ABTB2: variants seen among roughly 807,000 people sequenced by gnomAD.
The protein encoded by ABTB2 is ankyrin repeat and BTB/POZ domain-containing protein 2.
In ABTB2, 56 loss-of-function variants were observed where a neutral mutation model predicts 104.1. The ratio of observed to expected loss-of-function variants is 0.54; its 90% CI spans 0.43 to 0.67. The LOEUF is 0.67. ABTB2 is among the 30% of genes least tolerant of loss of function. ABTB2 has a pLI of 0.00. For missense variants in ABTB2, 1,279 were observed against 1,407.7 expected (o/e 0.91, Z 1.46); for synonymous variants, 606 against 608.2 (o/e 1.00, Z 0.05).
At chr11:34,185,243 T>G (rs1853082470) in intron 3 of ABTB2, among the ~76,000 whole-genome samples, 1 of 151,628 alleles carries the variant, frequency 6.6e-6, no homozygotes, top group Non-Finnish European at 1.5e-5. Flanking sequence ...GATATGAGAG[T>G]GAAATTCTTG....
chr11:34,279,124 T>C (rs1854420093), intron 1 of ABTB2, among the ~76,000 whole-genome samples: 1 of 152,142 alleles, frequency 6.6e-6, no homozygotes, highest in Non-Finnish European at 1.5e-5. Flanking sequence ...TACTTCAAAA[T>C]GAAACCCCAG....
intron 2 of ABTB2, among the ~76,000 whole-genome samples, chr11:34,201,619 G>A (rs138134026): frequency 6.6e-6 from 1 of 152,296 alleles, no homozygotes; most frequent in African/African-American, 2.4e-5. Flanking sequence ...GGTACACTCT[G>A]AGGTCCAAGG....
In ABTB2 at chr11:34,220,734, T is replaced by C. The variant is rs190600078; in HGVS notation, c.884-16044A>G. ...TTGCAAAAATAAAATAAATAAATAA[T>C]AAATAAATAACCCCCTGTTGGTCTA... On this transcript the variant is annotated intron_variant, in intron 1 of 16. Coordinates refer to ENST00000435224, the MANE Select transcript of ABTB2 (RefSeq NM_145804.3). Among the ~76,000 whole-genome samples, 122 of 152,252 alleles carry C rather than the reference T, an allele frequency of 8.0e-4. 1 individual carries two copies. The highest frequency in any genetic ancestry group is 6.8e-3 in the Middle Eastern group (2 of 294).
intron 1 of ABTB2, among the ~76,000 whole-genome samples, chr11:34,274,946 A>C: frequency 6.6e-6 from 1 of 152,254 alleles, no homozygotes; most frequent in South Asian, 2.1e-4. Flanking sequence ...AGAGAACCGG[A>C]CCAGCAGCCT....
chr11:34,165,540 C>G (rs1001695001), intron 7 of ABTB2, among the ~76,000 whole-genome samples, 184 bp from the exon 8 acceptor site: 1 of 152,236 alleles, frequency 6.6e-6, no homozygotes, highest in Non-Finnish European at 1.5e-5. Flanking sequence ...CTCAAAGTTT[C>G]TAGAATCTTC....
intron 3 of ABTB2, among the ~76,000 whole-genome samples, chr11:34,182,509 GA>G (rs373061696): frequency 5.1e-5 from 7 of 137,162 alleles, no homozygotes; most frequent in Non-Finnish European, 9.5e-5. Context: ...GGGGGGGGGG[GA>G]AATTCACTTT....
intron 1 of ABTB2, among the ~76,000 whole-genome samples, chr11:34,326,007 AAATAAAAT>A (rs1247795281): frequency 1.9e-4 from 29 of 150,632 alleles, no homozygotes; most frequent in African/African-American, 6.8e-4. Flanking sequence ...AAATAAAATA[AAATAAAAT>A]AAAGAAAAAG....
intron 3 of ABTB2, among the ~76,000 whole-genome samples, chr11:34,193,251 T>G (rs762819566): frequency 2.6e-5 from 4 of 152,192 alleles, no homozygotes; most frequent in Non-Finnish European, 5.9e-5. Context: ...TGTGACTAAT[T>G]CTGTGTTTTA....
chr11:34,349,544 T>A (rs1167712568), intron 1 of ABTB2, among the ~76,000 whole-genome samples: 1 of 152,210 alleles, frequency 6.6e-6, no homozygotes, highest in African/African-American at 2.4e-5. Flanking sequence ...AATCAGTGGA[T>A]CCAACACAAG....
At chr11:34,281,740 G>C (rs540902724) in intron 1 of ABTB2, among the ~76,000 whole-genome samples, 39 of 152,284 alleles carry the variant, frequency 2.6e-4, no homozygotes, top group African/African-American at 8.9e-4. Context: ...TACATCGCAG[G>C]ATGGAAGCAA....
intron 1 of ABTB2, among the ~76,000 whole-genome samples, chr11:34,264,064 T>C (rs1854218937): frequency 6.6e-6 from 1 of 152,164 alleles, no homozygotes; most frequent in Non-Finnish European, 1.5e-5. Context: ...ATGTTTTCTC[T>C]AAGGGAAGTA....
intron 1 of ABTB2, among the ~76,000 whole-genome samples, chr11:34,212,711 C>T (rs1253985072): frequency 1.3e-5 from 2 of 152,208 alleles, no homozygotes; most frequent in Admixed American, 6.5e-5. Flanking sequence ...CAGCACTGTG[C>T]TTTCCTTCTT....
intron 1 of ABTB2, among the ~76,000 whole-genome samples, chr11:34,316,163 T>C (rs1854927415): frequency 6.6e-6 from 1 of 152,200 alleles, no homozygotes. Context: ...ACCCCGTCCC[T>C]GGGCAAGGAG....
chr11:34,164,688 G>A lies in ABTB2; in HGVS notation c.1986C>T (p.His662=), dbSNP rs572507886. ...GGGTGGGAATCCCGGGCAGGTACCT[G>A]TGGCCGTGGGCAGCTGAGTGGCTGA... is the stretch of plus-strand genomic sequence containing the variant. ...NCFSHSAAHG[H]RNVLRKLLTQ... The change falls in exon 9 of 17, where the codon CAC becomes CAT. Residue 662 remains histidine (H), a splice_region_variant and synonymous_variant. Transcript: ENST00000435224. 6.4e-5 allele frequency: 96 copies of A among 1,508,676 alleles called. No individual in the cohort carries two copies. The South Asian group carries it at 1.3e-3, about 20-fold the overall frequency. 93.5% of individuals were successfully genotyped at this position (1,508,676 alleles called of 1,614,324 possible).
In ABTB2 at chr11:34,159,376, G is replaced by A. The variant is rs751572135; in HGVS notation, c.2617C>T (p.Leu873=). 6.2e-7 allele frequency: 1 copy of A among 1,613,530 alleles called. No individual in the cohort carries two copies. The highest frequency in any genetic ancestry group is 8.5e-7 in the Non-Finnish European group (1 of 1,179,488). The change falls in exon 14 of 17, where the codon CTA becomes TTA. Residue 873 remains leucine (L), a synonymous_variant. Coordinates refer to ENST00000435224, the MANE Select transcript of ABTB2 (RefSeq NM_145804.3). ...LVTASNRFKT[L]MTNKSEQDGD... is the part of the protein sequence containing the mutation. Reference sequence around the variant, plus strand: ...TCCTGTTCTGATTTATTGGTCATTAGTGTCTTGAACCTGGAGCAAAGGAGA... The same window carrying A: ...TCCTGTTCTGATTTATTGGTCATTAATGTCTTGAACCTGGAGCAAAGGAGA...
intron 1 of ABTB2, among the ~76,000 whole-genome samples, chr11:34,343,410 C>T (rs896965060): frequency 5.3e-5 from 8 of 152,122 alleles, no homozygotes; most frequent in African/African-American, 1.9e-4. Flanking sequence ...CCATGCCAGA[C>T]CATTTATTTC....
At chr11:34,287,860 T>C (rs1854524679) in intron 1 of ABTB2, among the ~76,000 whole-genome samples, 1 of 152,080 alleles carries the variant, frequency 6.6e-6, no homozygotes, top group South Asian at 2.1e-4. Flanking sequence ...TGCTTGTCTG[T>C]CTCCACTCCC....
intron 5 of ABTB2, among the ~76,000 whole-genome samples, chr11:34,169,633 C>G (rs1852842412): frequency 6.6e-6 from 1 of 152,180 alleles, no homozygotes; most frequent in Non-Finnish European, 1.5e-5. Flanking sequence ...CCCACAAAGC[C>G]CGGGAACCTG....
rs1221899715 is a variant in ABTB2 at position 34,356,449 on chromosome 11, A to ACAGC, written c.883+248_883+251dup. Among the ~76,000 whole-genome samples the ACAGC allele has an allele frequency of 6.6e-6, 1 of 152,224 alleles. No individual in the cohort carries two copies. Among genetic ancestry groups the ACAGC allele is most frequent in the East Asian group, 1.9e-4 (1 of 5,198 alleles). On this transcript the variant is annotated intron_variant, in intron 1 of 16. Transcript: ENST00000435224. The surrounding 1 kb of genome is among the most constrained non-coding windows in gnomAD (Gnocchi z 4.6). ...AGATTCAATCTCACCCAATCAATGA[A>ACAGC]CAGCCCGCAGATAGTAACAATGCCA...
Sources: allele counts gnomAD v4.1 joint callset (sites outside exome capture counted in the v4.1 genomes callset), GRCh38; gene constraint gnomAD v4.1.1; non-coding constraint Gnocchi (gnomAD v3.1); transcripts MANE v1.5; gene names NCBI Gene and HGNC (gene_info 2026-07-23, HGNC 2026-07-21).